The following PRR14L variants were observed in gnomAD, a reference collection of about 807,000 sequenced individuals.
PRR14L encodes the protein proline rich 14 like.
In PRR14L, 80 loss-of-function variants were observed where a neutral mutation model predicts 155.0. The observed-to-expected ratio is 0.52, with a 90% confidence interval of 0.43 to 0.62. The LOEUF (loss-of-function observed/expected upper bound fraction) is 0.62, where lower values mean the gene tolerates loss of function less well. PRR14L is among the 20% of genes least tolerant of loss of function. The pLI, the probability that PRR14L is intolerant of heterozygous loss-of-function variation, is 0.00. For synonymous variants in PRR14L, 883 were observed against 916.0 expected (o/e 0.96, Z 0.65); for missense variants, 2,469 against 2,548.0 (o/e 0.97, Z 0.67).
At chr22:31,726,247 C>T (rs2074716215) in intron 2 of PRR14L, among the ~76,000 whole-genome samples, 1 of 152,034 alleles carries the variant, frequency 6.6e-6, no homozygotes, top group Admixed American at 6.6e-5. Flanking sequence ...TCTCCTGCCT[C>T]AGCCTCCCAA....
chr22:31,690,639 A>ATT (rs373510332), intron 7 of PRR14L, among the ~76,000 whole-genome samples: 3 of 143,190 alleles, frequency 2.1e-5, no homozygotes, highest in Non-Finnish European at 1.5e-5. Context: ...TCCCTGGCTA[A>ATT]TTTTTTTTTT....
chr22:31,736,791 C>T (rs1381576294), intron 2 of PRR14L, among the ~76,000 whole-genome samples: 1 of 152,130 alleles, frequency 6.6e-6, no homozygotes, highest in Non-Finnish European at 1.5e-5. Flanking sequence ...GTAATCCCAA[C>T]ACGTTGGGAG....
At chr22:31,725,185 A>C (rs2074709897) in intron 3 of PRR14L, among the ~76,000 whole-genome samples, 1 of 152,252 alleles carries the variant, frequency 6.6e-6, no homozygotes, top group Middle Eastern at 3.4e-3. Flanking sequence ...ACTTGAGCCC[A>C]GGAGTTCGAG....
At chr22:31,735,059 T>A (rs1392569792) in intron 2 of PRR14L, among the ~76,000 whole-genome samples, 1 of 152,240 alleles carries the variant, frequency 6.6e-6, no homozygotes, top group Non-Finnish European at 1.5e-5. Flanking sequence ...TTAACATTTA[T>A]ATCAATTAAA....
rs1367019910 is a variant in PRR14L, at chr22:31,700,353, T to C, written c.6107+1303A>G. ...AATAAATACTACCCGATCTCGGATATCTGAAATATTTTTAAAATTTCTCTT... is the reference window on the plus strand; with the variant it reads ...AATAAATACTACCCGATCTCGGATACCTGAAATATTTTTAAAATTTCTCTT... On this transcript the variant is annotated intron_variant, in intron 7 of 8. Coordinates refer to ENST00000327423, the MANE Select transcript of PRR14L (RefSeq NM_173566.3). Among the ~76,000 whole-genome samples the C allele has an allele frequency of 2.6e-5, 4 of 152,214 alleles. No individual in the cohort carries two copies. The East Asian group carries it at 7.7e-4, about 29-fold the overall frequency.
intron 2 of PRR14L, among the ~76,000 whole-genome samples, chr22:31,735,985 G>A (rs1295746550): frequency 4.6e-5 from 7 of 151,520 alleles, no homozygotes; most frequent in African/African-American, 1.2e-4. Context: ...CCCGGAAGGC[G>A]GAGCTTGCAG....
Position 31,714,774 on chromosome 22 carries a change from T to C in PRR14L, c.3065A>G (p.Asn1022Ser), listed in dbSNP as rs1310051707. Residue 1022 changes from asparagine (N) to serine (S), a missense_variant, in exon 4 of 9, where the codon AAT becomes AGT. Asn to Ser is a conservative substitution (Grantham distance 46). Transcript: ENST00000327423. The part of the protein sequence containing the change: ...QKDLLVSSGS[N>S]NSLPCGSPKK... ...TGGACTACCACAAGGTAGTGAGTTA[T>C]TACTGCCTGAGCTGACCAGCAGATC... 5 of 1,552,374 alleles carry C rather than the reference T, an allele frequency of 3.2e-6. No homozygotes were observed. The highest frequency in any genetic ancestry group is 4.4e-6 in the Non-Finnish European group (5 of 1,147,136).
At chr22:31,700,675 G>T (rs2074558555) in intron 7 of PRR14L, among the ~76,000 whole-genome samples, 2 of 152,066 alleles carry the variant, frequency 1.3e-5, no homozygotes, top group Admixed American at 1.3e-4. Context: ...TCCTGCCTCA[G>T]CCTACCAAGT....
At chr22:31,697,853 G>C (rs549136340) in intron 7 of PRR14L, among the ~76,000 whole-genome samples, 33 of 151,974 alleles carry the variant, frequency 2.2e-4, no homozygotes, top group African/African-American at 7.2e-4. Context: ...GCCTGAGCGA[G>C]ACCTTGTCAC....
rs541439265 is a variant in PRR14L, at chr22:31,723,998, T to C, written c.547+1540A>G. 1.8e-4 allele frequency among the ~76,000 whole-genome samples: 27 copies of C among 152,360 alleles called. No individual in the cohort carries two copies. In the South Asian group the frequency reaches 4.6e-3, roughly 26 times the overall value. ...TGCTCCTCATGCTTGCATTACTGCCTGAGCTCCGCCTCCTGCCAGATAAAC... is the reference window on the plus strand; with the variant it reads ...TGCTCCTCATGCTTGCATTACTGCCCGAGCTCCGCCTCCTGCCAGATAAAC... On this transcript the variant is annotated intron_variant, in intron 3 of 8. Transcript: ENST00000327423.
Position 31,713,104 on chromosome 22 carries a change from C to T in PRR14L, c.4735G>A (p.Glu1579Lys), listed in dbSNP as rs2074632934. The T allele has an allele frequency of 1.3e-5, 20 of 1,552,156 alleles. No homozygotes were observed. Among genetic ancestry groups the T allele is most frequent in the Non-Finnish European group, 1.7e-5 (19 of 1,147,136 alleles). ...ACCAAGCTCTTGGTAGGTGCTGTTT[C>T]AGGTTCTAATCGTGTAGGTGCAGAC... ...TLSAPTRLEP[E>K]TAPTKSLVSH... The change falls in exon 4 of 9, where the codon GAA (glutamate) becomes AAA (lysine). Residue 1579 changes from glutamate to lysine, a missense_variant. Around this residue, in one of 2 missense-constraint regions of PRR14L, gnomAD observed 2,363 missense variants for 2,371.6 expected, o/e 1.00. Coordinates refer to ENST00000327423, the MANE Select transcript of PRR14L (RefSeq NM_173566.3).
At chr22:31,725,862 T>C (rs2074713977) in intron 2 of PRR14L, among the ~76,000 whole-genome samples, 1 of 152,030 alleles carries the variant, frequency 6.6e-6, no homozygotes, top group Non-Finnish European at 1.5e-5. Flanking sequence ...ACAGACAGCG[T>C]TTCACCATGT....
intron 1 of PRR14L, among the ~76,000 whole-genome samples, chr22:31,744,273 C>T (rs1160390638): frequency 2.6e-5 from 4 of 151,978 alleles, no homozygotes; most frequent in Non-Finnish European, 5.9e-5. Context: ...GCTGGGATTA[C>T]AGGCATTTGC....
chr22:31,706,532 C>T (rs1424417363), intron 4 of PRR14L, among the ~76,000 whole-genome samples: 4 of 150,124 alleles, frequency 2.7e-5, no homozygotes, highest in African/African-American at 9.9e-5. Flanking sequence ...TCAAGGAATT[C>T]TCCTGCCTCA....
chr22:31,704,873 GGA>G (rs2074581686), intron 4 of PRR14L, 147 bp from the exon 5 acceptor site: 4 of 589,606 alleles, frequency 6.8e-6, no homozygotes, highest in Non-Finnish European at 9.3e-6. Context: ...TTTCCAACCA[GGA>G]GAGTTATATT....
At chr22:31,723,790 G>A (rs183353501) in intron 3 of PRR14L, among the ~76,000 whole-genome samples, 73 of 152,304 alleles carry the variant, frequency 4.8e-4, no homozygotes, top group Admixed American at 1.2e-3. Context: ...TGTCCAGGCT[G>A]CCGAGAAGCT....
At chr22:31,729,043 G>T (rs762665813) in intron 2 of PRR14L, among the ~76,000 whole-genome samples, 2 of 152,112 alleles carry the variant, frequency 1.3e-5, no homozygotes, top group Non-Finnish European at 2.9e-5. Flanking sequence ...CTTTGCATGC[G>T]TAACAGATTT....
At chr22:31,732,483 C>T (rs2074755548) in intron 2 of PRR14L, among the ~76,000 whole-genome samples, 1 of 152,164 alleles carries the variant, frequency 6.6e-6, no homozygotes, top group Non-Finnish European at 1.5e-5. Flanking sequence ...CAACCAGTCC[C>T]CAGTAAAATC....
At chr22:31,735,970 G>A (rs1407143038) in intron 2 of PRR14L, among the ~76,000 whole-genome samples, 3 of 151,300 alleles carry the variant, frequency 2.0e-5, no homozygotes, top group Admixed American at 6.6e-5. Context: ...GGAGAATGGC[G>A]TGAACCCGGA....
Sources: allele counts gnomAD v4.1 joint callset (sites outside exome capture counted in the v4.1 genomes callset), GRCh38; gene constraint gnomAD v4.1.1; regional missense constraint gnomAD v4.1.1; transcripts MANE v1.5; gene names NCBI Gene and HGNC (gene_info 2026-07-23, HGNC 2026-07-21).